RYR3: variants seen among roughly 807,000 people sequenced by gnomAD.
RYR3 encodes the protein ryanodine receptor 3.
RYR3 carries 207 observed loss-of-function variants against 584.3 expected under a neutral mutation model. The ratio of observed to expected loss-of-function variants is 0.35; its 90% CI spans 0.32 to 0.40. RYR3 has a LOEUF of 0.40. Among genes scored for constraint, RYR3 ranks in the 10% least tolerant of loss-of-function variants. The pLI is 1.00. For missense variants in RYR3, 5,616 were observed against 6,089.2 expected (o/e 0.92, Z 2.59); for synonymous variants, 2,416 against 2,248.5 (o/e 1.07, Z -2.11).
chr15:33,864,687 T>TATC (rs1491421416), intron 103 of RYR3: 1 of 176,090 alleles, frequency 5.7e-6, no homozygotes, highest in Admixed American at 5.5e-5. Context: ...AAAAGTCAGT[T>TATC]ATCAAATATT....
chr15:33,504,939 G>T (rs1354029000), intron 3 of RYR3, among the ~76,000 whole-genome samples: 1 of 152,190 alleles, frequency 6.6e-6, no homozygotes, highest in Non-Finnish European at 1.5e-5. Context: ...AGAAGCCTCT[G>T]CTGACCCCAC....
intron 1 of RYR3, among the ~76,000 whole-genome samples, chr15:33,461,527 A>G (rs1195625895): frequency 6.6e-6 from 1 of 152,174 alleles, no homozygotes; most frequent in Non-Finnish European, 1.5e-5. Context: ...AGTACTTTCA[A>G]CATGTTTTCC....
At chr15:33,337,055 T>TAAAA (rs1971195411) in intron 1 of RYR3, among the ~76,000 whole-genome samples, 1 of 7,732 alleles carries the variant, frequency 1.3e-4, no homozygotes, top group African/African-American at 5.3e-4. Context: ...GGACTCCGTC[T>TAAAA]CAAAAAAAAA....
At chr15:33,835,856 G>A (rs936945406) in intron 87 of RYR3, among the ~76,000 whole-genome samples, 1 of 152,168 alleles carries the variant, frequency 6.6e-6, no homozygotes, top group Non-Finnish European at 1.5e-5. Flanking sequence ...GCAGTGTAGT[G>A]TAGTCTCGAG....
chr15:33,508,195 A>C (rs1472754504), intron 3 of RYR3, among the ~76,000 whole-genome samples: 1 of 152,244 alleles, frequency 6.6e-6, no homozygotes, highest in Non-Finnish European at 1.5e-5. Context: ...GAGATGAAAT[A>C]TAAATATAAA....
At chr15:33,758,497 T>C (rs2072089394) in intron 60 of RYR3, among the ~76,000 whole-genome samples, 2 of 152,184 alleles carry the variant, frequency 1.3e-5, no homozygotes, top group Non-Finnish European at 2.9e-5. Context: ...GTAGGCCGTT[T>C]TCCCCTCACA....
rs188248187 is a variant in RYR3 at position 33,684,448 on chromosome 15, A to G, written c.5861-11770A>G. 7.6e-4 allele frequency among the ~76,000 whole-genome samples: 101 copies of G among 133,384 alleles called. 1 individual carries two copies. The highest frequency in any genetic ancestry group is 2.4e-3 in the African/African-American group (95 of 39,956). The allele number at this position is 133,384 out of a possible 152,430, so 87.5% of individuals were successfully genotyped here. On this transcript the variant is annotated intron_variant, in intron 38 of 103. Transcript: ENST00000634891. ...TAACAAACAGAAAAGAATAGCATCA[A>G]CATTAAAAAAAAGGACATCCACACC...
intron 35 of RYR3, 87 bp downstream of exon 35, chr15:33,663,035 G>A (rs1445759716): frequency 1.6e-6 from 2 of 1,242,958 alleles, no homozygotes; most frequent in Admixed American, 1.9e-5. Context: ...ATTAAAGGAG[G>A]TAAGGTATGT....
intron 32 of RYR3, among the ~76,000 whole-genome samples, chr15:33,653,760 T>C (rs552205054): frequency 6.6e-6 from 1 of 152,294 alleles, no homozygotes; most frequent in South Asian, 2.1e-4. Context: ...AAACCACCTG[T>C]TATACACATG....
At chr15:33,324,663 G>T (rs148160035) in intron 1 of RYR3, among the ~76,000 whole-genome samples, 1 of 152,274 alleles carries the variant, frequency 6.6e-6, no homozygotes, top group African/African-American at 2.4e-5. Context: ...TTGCTACTAA[G>T]GATGGTGCTT....
chr15:33,586,014 G>C lies in RYR3; in HGVS notation c.1686G>C (p.Leu562Phe), dbSNP rs1247245906. 1 of 1,611,060 alleles carries C rather than the reference G, an allele frequency of 6.2e-7. No homozygotes were observed. Among genetic ancestry groups the C allele is most frequent in the Non-Finnish European group, 8.5e-7 (1 of 1,177,330 alleles). Reference protein sequence around the residue: ...LESSSGILEVLHCILTESPEA... With the variant: ...LESSSGILEVFHCILTESPEA... ...TTCATGTAGGTATCTTGGAAGTTTT[G>C]CACTGCATCTTAACTGAAAGCCCAG... The change falls in exon 16 of 104, where the codon TTG (leucine) becomes TTC (phenylalanine). Residue 562 changes from leucine (L) to phenylalanine (F), a missense_variant. Leu to Phe is a conservative substitution (Grantham distance 22). This residue lies in a region of RYR3 where 1,284 missense variants were observed against 1,344.6 expected (regional missense o/e 0.95). Transcript: ENST00000634891.
chr15:33,335,097 A>G (rs933125270), intron 1 of RYR3, among the ~76,000 whole-genome samples: 2 of 152,246 alleles, frequency 1.3e-5, no homozygotes, highest in Admixed American at 1.3e-4. Context: ...AAATTAGTTC[A>G]ACCATTGTGG....
At chr15:33,686,695 G>A (rs1345429041) in intron 38 of RYR3, among the ~76,000 whole-genome samples, 2 of 152,128 alleles carry the variant, frequency 1.3e-5, no homozygotes, top group Non-Finnish European at 2.9e-5. Context: ...CTGGCAAACT[G>A]AATCCAGTAA....
chr15:33,507,592 G>A (rs1180178438), intron 3 of RYR3, among the ~76,000 whole-genome samples: 1 of 152,170 alleles, frequency 6.6e-6, no homozygotes, highest in Non-Finnish European at 1.5e-5. Flanking sequence ...GACCTACAGT[G>A]TCTACCAACC....
rs924405082 is a variant in RYR3, at chr15:33,841,729, C to A, written c.13038-135C>A. ...TCCAGCCACTGTGGATTGATAAAGA[C>A]CTGAAGTTTCCACCTTCAAGGAATG... On this transcript the variant is annotated intron_variant, in intron 90 of 103. Transcript: ENST00000634891. The A allele has an allele frequency of 8.6e-6, 7 of 809,448 alleles. No homozygotes were observed. The Admixed American group carries it at 2.0e-4, about 24-fold the overall frequency. 50.1% of individuals were successfully genotyped at this position (809,448 alleles called of 1,614,324 possible).
At chr15:33,578,008 A>G (rs1178889146) in intron 12 of RYR3, among the ~76,000 whole-genome samples, 1 of 152,246 alleles carries the variant, frequency 6.6e-6, no homozygotes, top group African/African-American at 2.4e-5. Flanking sequence ...CATAGGAAGA[A>G]AAGCTCAACA....
rs1360487907 is a variant in RYR3, at chr15:33,771,030, C to T, written c.8817-890C>T. Among the ~76,000 whole-genome samples the T allele has an allele frequency of 5.9e-5, 9 of 152,202 alleles. No individual in the cohort carries two copies. The East Asian group carries it at 1.5e-3, about 26-fold the overall frequency. ...AGCTGATCTTCATCCCTGTAGATCA[C>T]ATTTCAATGTTTTGTTTTGTGTTTT... On this transcript the variant is annotated intron_variant, in intron 62 of 103. Transcript: ENST00000634891.
intron 81 of RYR3, among the ~76,000 whole-genome samples, 164 bp downstream of exon 81, chr15:33,823,236 G>C (rs1567247752): frequency 6.6e-6 from 1 of 152,166 alleles, no homozygotes; most frequent in Admixed American, 6.5e-5. Context: ...CCAGCCTTCA[G>C]GATGACAATT....
At chr15:33,784,068 G>T (rs2074556100) in intron 65 of RYR3, among the ~76,000 whole-genome samples, 1 of 152,198 alleles carries the variant, frequency 6.6e-6, no homozygotes, top group African/African-American at 2.4e-5. Context: ...CTACGGAAAG[G>T]CTAATAGTGC....
Sources: gnomAD v4.1 joint callset for allele counts (sites outside exome capture counted in the v4.1 genomes callset) on GRCh38, gnomAD v4.1.1 for gene constraint, gnomAD v4.1.1 regional missense constraint, MANE v1.5 for transcripts, NCBI Gene and HGNC (gene_info 2026-07-23, HGNC 2026-07-21) for gene names.